DSCAM: variants seen among roughly 807,000 people sequenced by gnomAD.
The protein encoded by DSCAM is DS cell adhesion molecule.
In DSCAM, 47 loss-of-function variants were observed where a neutral mutation model predicts 217.7. The observed-to-expected ratio is 0.22, with a 90% confidence interval of 0.17 to 0.28. The LOEUF is 0.28. DSCAM is among the 10% of genes least tolerant of loss of function. The probability of loss-of-function intolerance (pLI) is 1.00; values close to 1 mark genes in which losing one functional copy is unlikely to be tolerated. For synonymous variants in DSCAM, 1,056 were observed against 1,015.3 expected (o/e 1.04, Z -0.76); for missense variants, 2,080 against 2,618.3 (o/e 0.79, Z 4.49).
intron 3 of DSCAM, among the ~76,000 whole-genome samples, chr21:40,466,012 G>T (rs913090616): frequency 6.6e-6 from 1 of 152,158 alleles, no homozygotes; most frequent in African/African-American, 2.4e-5. Context: ...ATCTCAAAAA[G>T]ACTGTGAAAC....
intron 3 of DSCAM, among the ~76,000 whole-genome samples, chr21:40,657,016 T>C (rs993408338): frequency 2.0e-5 from 3 of 152,256 alleles, no homozygotes; most frequent in Non-Finnish European, 4.4e-5. Flanking sequence ...AAATATTTTT[T>C]AAAAATCAAA....
intron 1 of DSCAM, among the ~76,000 whole-genome samples, chr21:40,711,545 C>T (rs2090780537): frequency 6.6e-6 from 1 of 152,184 alleles, no homozygotes; most frequent in Non-Finnish European, 1.5e-5. Context: ...ATGTTCTTCC[C>T]TGCTGCCACT....
At chr21:40,346,298 A>G (rs976859050) in intron 6 of DSCAM, among the ~76,000 whole-genome samples, 1 of 152,204 alleles carries the variant, frequency 6.6e-6, no homozygotes, top group Non-Finnish European at 1.5e-5. Flanking sequence ...TGCTTTAAAA[A>G]TCTCACTGTC....
intron 18 of DSCAM, among the ~76,000 whole-genome samples, chr21:40,134,681 G>T (rs1222520745): frequency 6.6e-6 from 1 of 152,150 alleles, no homozygotes; most frequent in African/African-American, 2.4e-5. Flanking sequence ...TGAGATGGTG[G>T]ACCCGCTGTT....
intron 1 of DSCAM, among the ~76,000 whole-genome samples, chr21:40,833,435 C>G (rs1272132911): frequency 6.6e-6 from 1 of 152,170 alleles, no homozygotes; most frequent in Non-Finnish European, 1.5e-5. Context: ...GCTTCAGGCA[C>G]AGGGCAACCA....
intron 2 of DSCAM, among the ~76,000 whole-genome samples, chr21:40,696,916 G>A (rs1728734295): frequency 6.6e-6 from 1 of 152,100 alleles, no homozygotes; most frequent in African/African-American, 2.4e-5. Context: ...TGGGAGCACA[G>A]TAAATCTTTT....
chr21:40,319,415 G>A (rs930845325), intron 8 of DSCAM, among the ~76,000 whole-genome samples: 2 of 152,004 alleles, frequency 1.3e-5, no homozygotes, highest in African/African-American at 4.8e-5. Flanking sequence ...AACAAGAAAG[G>A]CTAAATAATG....
chr21:40,117,614 T>C (rs1333681092), intron 20 of DSCAM, among the ~76,000 whole-genome samples: 1 of 152,168 alleles, frequency 6.6e-6, no homozygotes, highest in Non-Finnish European at 1.5e-5. Context: ...AGGAATTTAA[T>C]GGAACATGAC....
intron 16 of DSCAM, among the ~76,000 whole-genome samples, chr21:40,147,468 G>C (rs1047474023): frequency 9.9e-5 from 15 of 152,118 alleles, no homozygotes; most frequent in African/African-American, 3.4e-4. Context: ...TTGTTAAAAA[G>C]AAAAAGAAAA....
intron 3 of DSCAM, among the ~76,000 whole-genome samples, chr21:40,373,853 T>C (rs1347415676): frequency 6.6e-6 from 1 of 152,186 alleles, no homozygotes; most frequent in African/African-American, 2.4e-5. Context: ...GTGGCCTCAG[T>C]CTAGTCATTT....
At chr21:40,238,387 A>G (rs1214433420) in intron 11 of DSCAM, among the ~76,000 whole-genome samples, 1 of 152,202 alleles carries the variant, frequency 6.6e-6, no homozygotes, top group Non-Finnish European at 1.5e-5. Flanking sequence ...TCTTTACACA[A>G]TAATCCACAG....
At chr21:40,399,539 A>T (rs1019986389) in intron 3 of DSCAM, among the ~76,000 whole-genome samples, 2 of 152,328 alleles carry the variant, frequency 1.3e-5, no homozygotes, top group Admixed American at 1.3e-4. Context: ...TTTCAGAAAG[A>T]TATTTGAGAT....
intron 2 of DSCAM, among the ~76,000 whole-genome samples, chr21:40,700,003 C>T (rs543172924): frequency 6.6e-6 from 1 of 152,226 alleles, no homozygotes; most frequent in Non-Finnish European, 1.5e-5. Context: ...CAATGCCTAG[C>T]CTCAATGCTT....
At chr21:40,734,657 G>A in intron 1 of DSCAM, among the ~76,000 whole-genome samples, 1 of 152,180 alleles carries the variant, frequency 6.6e-6, no homozygotes, top group East Asian at 1.9e-4. Context: ...AGCCTCTTAG[G>A]AAAAATTCAA....
intron 1 of DSCAM, among the ~76,000 whole-genome samples, chr21:40,824,869 A>G (rs999315374): frequency 4.6e-5 from 7 of 152,092 alleles, no homozygotes; most frequent in African/African-American, 1.7e-4. Context: ...AGCATACACA[A>G]CCTTAAAAGT....
At chr21:40,737,330 G>C (rs2091074108) in intron 1 of DSCAM, among the ~76,000 whole-genome samples, 1 of 152,076 alleles carries the variant, frequency 6.6e-6, no homozygotes, top group Non-Finnish European at 1.5e-5. Flanking sequence ...AGTTACTGGA[G>C]AGGTTTGCTT....
chr21:40,207,640 C>T (rs1185518372), intron 11 of DSCAM, among the ~76,000 whole-genome samples: 1 of 152,162 alleles, frequency 6.6e-6, no homozygotes, highest in Admixed American at 6.5e-5. Context: ...GCATATTATT[C>T]AGCCCCTAAA....
At chr21:40,721,359 A>C (rs2090899443) in intron 1 of DSCAM, among the ~76,000 whole-genome samples, 1 of 152,202 alleles carries the variant, frequency 6.6e-6, no homozygotes, top group Non-Finnish European at 1.5e-5. Flanking sequence ...GAGATGATAC[A>C]ATTTGCAAGC....
At chr21:40,075,015 G>A in intron 27 of DSCAM, 22 bp downstream of exon 27, 1 of 1,612,878 alleles carries the variant, frequency 6.2e-7, no homozygotes, top group African/African-American at 1.3e-5. Context: ...ACGCGTAGGT[G>A]GACAGCTGGG....
Sources: allele counts gnomAD v4.1 joint callset (sites outside exome capture counted in the v4.1 genomes callset), GRCh38; gene constraint gnomAD v4.1.1; transcripts MANE v1.5; gene names NCBI Gene and HGNC (gene_info 2026-07-23, HGNC 2026-07-21).